Variants in ENTPD1 observed in about 807,000 individuals in gnomAD.
The protein encoded by ENTPD1 is ectonucleoside triphosphate diphosphohydrolase 1.
A neutral mutation model predicts 57.0 loss-of-function variants in ENTPD1; 33 were observed. The observed-to-expected ratio is 0.58, with a 90% CI of 0.44 to 0.77. ENTPD1 has a LOEUF of 0.77. ENTPD1 is among the 30% of genes least tolerant of loss of function. The pLI is 0.00. For synonymous variants in ENTPD1, 202 were observed against 218.8 expected (o/e 0.92, Z 0.68); for missense variants, 501 against 603.4 (o/e 0.83, Z 1.78).
intron 1 of ENTPD1, among the ~76,000 whole-genome samples, chr10:95,760,814 C>CTTTTTTT (rs71034350): frequency 0.02 from 1,257 of 62,958 alleles, 251 homozygotes; most frequent in Non-Finnish European, 0.022. Context: ...AGAGTTTATT[C>CTTTTTTT]TTTTTTTTTT....
Position 95,845,385 on chromosome 10 carries a change from A to G in ENTPD1, c.602A>G (p.Tyr201Cys). The part of the protein sequence containing the change: ...QKTRWFSIVP[Y>C]ETNNQETFGA... Reference sequence around the variant, plus strand: ...ACAAGGTGGTTCAGCATAGTCCCATATGAAACCAATAATCAGGAAACCTTT... The same window carrying G: ...ACAAGGTGGTTCAGCATAGTCCCATGTGAAACCAATAATCAGGAAACCTTT... The change falls in exon 6 of 10, where the codon TAT becomes TGT. Residue 201 changes from tyrosine (Y) to cysteine (C), a missense_variant. Coordinates refer to ENST00000371205, the MANE Select transcript of ENTPD1 (RefSeq NM_001776.6). 6.2e-7 allele frequency: 1 copy of G among 1,614,228 alleles called. No individual in the cohort carries two copies. The highest frequency in any genetic ancestry group is 1.1e-5 in the South Asian group (1 of 91,082).
intron 1 of ENTPD1, among the ~76,000 whole-genome samples, chr10:95,798,526 A>G (rs1012567910): frequency 6.6e-6 from 1 of 152,098 alleles, no homozygotes; most frequent in African/African-American, 2.4e-5. Flanking sequence ...GGTAGGCCTA[A>G]TATTGTCTTG....
chr10:95,820,762 T>C (rs910462670), intron 1 of ENTPD1, among the ~76,000 whole-genome samples: 5 of 152,256 alleles, frequency 3.3e-5, no homozygotes, highest in Non-Finnish European at 5.9e-5. Context: ...TTAGCACATA[T>C]TGTGACCTGA....
intron 1 of ENTPD1, among the ~76,000 whole-genome samples, chr10:95,715,501 A>G (rs1321471315): frequency 6.6e-6 from 1 of 151,562 alleles, no homozygotes; most frequent in Non-Finnish European, 1.5e-5. Context: ...ATACATCCTG[A>G]CAATTTTTGT....
upstream of ENTPD1, among the ~76,000 whole-genome samples, chr10:95,708,759 T>C (rs1289617083): frequency 6.6e-6 from 1 of 152,210 alleles, no homozygotes; most frequent in Non-Finnish European, 1.5e-5. Flanking sequence ...ACACAGAGCA[T>C]ACTATCATTT....
chr10:95,780,833 A>G (rs1406314981), intron 1 of ENTPD1, among the ~76,000 whole-genome samples: 3 of 152,186 alleles, frequency 2.0e-5, no homozygotes. Flanking sequence ...AGACAGGGGA[A>G]ACTGAATTCA....
At chr10:95,736,087 G>T (rs1302172874) in intron 1 of ENTPD1, among the ~76,000 whole-genome samples, 3 of 143,434 alleles carry the variant, frequency 2.1e-5, no homozygotes, top group Non-Finnish European at 3.0e-5. Flanking sequence ...TGCAACATCC[G>T]CCTCCCTGGT....
At chr10:95,788,346 A>G (rs2098188908) in intron 1 of ENTPD1, among the ~76,000 whole-genome samples, 1 of 152,188 alleles carries the variant, frequency 6.6e-6, no homozygotes, top group Admixed American at 6.5e-5. Flanking sequence ...GGCCAGGCAT[A>G]GTGGCTCACG....
intron 2 of ENTPD1, among the ~76,000 whole-genome samples, chr10:95,824,583 C>G (rs905402121): frequency 1.3e-5 from 2 of 152,236 alleles, no homozygotes; most frequent in East Asian, 1.9e-4. Context: ...ACAGTTGAAG[C>G]CTCATGACAT....
intron 9 of ENTPD1, 69 bp downstream of exon 9, chr10:95,864,930 C>A: frequency 3.2e-6 from 5 of 1,555,994 alleles, no homozygotes; most frequent in Non-Finnish European, 4.4e-6. Flanking sequence ...CAGTTTGGGG[C>A]TTGAAAAAGG....
Position 95,806,670 on chromosome 10 carries a change from CT to C in ENTPD1, c.17-16566del, listed in dbSNP as rs2098273830. Among the ~76,000 whole-genome samples, 3 of 152,268 alleles carry C rather than the reference CT, an allele frequency of 2.0e-5. No homozygotes were observed. In the South Asian group the frequency reaches 6.2e-4, roughly 32 times the overall value. On this transcript the variant is annotated intron_variant, in intron 1 of 9. Coordinates refer to ENST00000371205, the MANE Select transcript of ENTPD1 (RefSeq NM_001776.6). The stretch of plus-strand genomic sequence containing the variant: ...ATATTGGTGACCTACAGATGGGGTT[CT>C]GGTGTAGGTGTCCTTTTTGTTGATG...
At chr10:95,850,786 C>T (rs1018409885) in intron 7 of ENTPD1, among the ~76,000 whole-genome samples, 2 of 152,300 alleles carry the variant, frequency 1.3e-5, no homozygotes, top group South Asian at 2.1e-4. Flanking sequence ...TTCCTGTTAT[C>T]GAGTCCTGCC....
chr10:95,832,060 C>T (rs539048770), intron 2 of ENTPD1, among the ~76,000 whole-genome samples: 6 of 152,234 alleles, frequency 3.9e-5, no homozygotes, highest in South Asian at 2.1e-4. Flanking sequence ...TGTTAAATTA[C>T]AGCCAGCACA....
chr10:95,733,097 C>G (rs1023297086), intron 1 of ENTPD1, among the ~76,000 whole-genome samples: 3 of 152,178 alleles, frequency 2.0e-5, no homozygotes, highest in Non-Finnish European at 4.4e-5. Flanking sequence ...CTTATTTCAT[C>G]CCTTATCTTC....
chr10:95,742,541 CT>C (rs10701222), intron 1 of ENTPD1, among the ~76,000 whole-genome samples: 102 of 140,596 alleles, frequency 7.3e-4, no homozygotes, highest in Middle Eastern at 3.8e-3. Flanking sequence ...TTTCTTTTTT[CT>C]TTTTTTTTTT....
chr10:95,752,789 C>T (rs1257404973), upstream of ENTPD1, among the ~76,000 whole-genome samples: 1 of 152,166 alleles, frequency 6.6e-6, no homozygotes, highest in Non-Finnish European at 1.5e-5. Context: ...GCTTCAGCCT[C>T]CCAAAATGCT....
At chr10:95,812,067 C>T (rs1018692845) in intron 1 of ENTPD1, among the ~76,000 whole-genome samples, 3 of 152,304 alleles carry the variant, frequency 2.0e-5, no homozygotes, top group Non-Finnish European at 4.4e-5. Flanking sequence ...ATCTGTTTTC[C>T]CACATCTTTG....
At chr10:95,823,459 G>A (rs758917820) in intron 2 of ENTPD1, 95 bp downstream of exon 2, 128 of 1,582,650 alleles carry the variant, frequency 8.1e-5, no homozygotes, top group Non-Finnish European at 1.1e-4. Context: ...CATAGGGGAC[G>A]AGTTGAGGTT....
In ENTPD1 at chr10:95,870,416, A is replaced by G; in HGVS notation, c.*4033A>G. The G allele has an allele frequency of 2.9e-6, 2 of 689,598 alleles. No individual in the cohort carries two copies. Among genetic ancestry groups the G allele is most frequent in the Non-Finnish European group, 3.6e-6 (2 of 560,278 alleles). 42.7% of individuals were successfully genotyped at this position (689,598 alleles called of 1,614,324 possible). A position where few individuals can be genotyped will look rare whatever the true frequency, so the allele number is the denominator to read the frequency against. ...GCTACAGGTGTGCACCTAAGTAGCT[A>G]GGACTACAGGTGTGCACCACCATGT... On this transcript the variant is annotated 3_prime_UTR_variant, in exon 10 of 10. Transcript: ENST00000371205.
Sources: gnomAD v4.1 joint callset for allele counts (sites outside exome capture counted in the v4.1 genomes callset) on GRCh38, gnomAD v4.1.1 for gene constraint, MANE v1.5 for transcripts, NCBI Gene and HGNC (gene_info 2026-07-23, HGNC 2026-07-21) for gene names.